The following PICALM variants were observed in gnomAD, a reference collection of about 807,000 sequenced individuals.
PICALM encodes the protein phosphatidylinositol binding clathrin assembly protein.
A neutral mutation model predicts 80.5 loss-of-function variants in PICALM; 40 were observed. That is an observed-to-expected ratio of 0.50 (90% CI 0.39 to 0.65). The LOEUF is 0.65. Among genes scored for constraint, PICALM ranks in the 30% least tolerant of loss-of-function variants. PICALM has a pLI of 0.00. For missense variants in PICALM, 676 were observed against 778.9 expected, an observed-to-expected ratio of 0.87 and a Z score of 1.57; for synonymous variants, 288 against 260.3, an observed-to-expected ratio of 1.11 and a Z score of -1.02.
At chr11:86,014,386 G>T (rs2095446737) in intron 5 of PICALM, among the ~76,000 whole-genome samples, 1 of 152,178 alleles carries the variant, frequency 6.6e-6, no homozygotes, top group African/African-American at 2.4e-5. Context: ...TGGCAGCTTG[G>T]TTCAAGTCAT....
At chr11:85,963,664 A>C (rs1401115692) in intron 19 of PICALM, among the ~76,000 whole-genome samples, 1 of 152,042 alleles carries the variant, frequency 6.6e-6, no homozygotes, top group African/African-American at 2.4e-5. Context: ...CTCCTCCACT[A>C]CTCTAATCAA....
At chr11:86,047,811 C>T (rs558471279) in intron 1 of PICALM, among the ~76,000 whole-genome samples, 23 of 152,264 alleles carry the variant, frequency 1.5e-4, no homozygotes, top group Non-Finnish European at 2.4e-4. Flanking sequence ...TCTCTTAAAA[C>T]GTTTCCGGCT....
chr11:86,045,195 CAG>C (rs1401165946), intron 1 of PICALM, among the ~76,000 whole-genome samples: 1 of 151,922 alleles, frequency 6.6e-6, no homozygotes, highest in Non-Finnish European at 1.5e-5. Flanking sequence ...AAAATAAAGC[CAG>C]AGTTATTTTT....
chr11:86,041,676 A>C (rs985954015), intron 1 of PICALM, among the ~76,000 whole-genome samples: 1 of 152,222 alleles, frequency 6.6e-6, no homozygotes, highest in African/African-American at 2.4e-5. Flanking sequence ...TCAAACTTTA[A>C]TTTTAAAAGT....
chr11:86,038,262 G>T (rs1443737653), intron 1 of PICALM, among the ~76,000 whole-genome samples: 2 of 152,070 alleles, frequency 1.3e-5, no homozygotes, highest in East Asian at 3.9e-4. Flanking sequence ...GGAGGTAAAA[G>T]GAAGCTGAGA....
intron 14 of PICALM, among the ~76,000 whole-genome samples, chr11:85,982,365 T>C (rs1302599816): frequency 1.3e-5 from 2 of 149,260 alleles, no homozygotes; most frequent in Non-Finnish European, 3.0e-5. Context: ...GGTTAAAAAA[T>C]AGCTCTCTGG....
At chr11:86,069,144 G>GC (rs900410065), upstream of PICALM, 114 of 241,364 alleles carry the variant, frequency 4.7e-4, no homozygotes, top group African/African-American at 2.1e-3. Flanking sequence ...CTCGGACACC[G>GC]CCCCTCCTCC....
intron 1 of PICALM, among the ~76,000 whole-genome samples, chr11:86,068,409 G>A (rs1300269856): frequency 2.6e-5 from 4 of 152,106 alleles, no homozygotes; most frequent in Non-Finnish European, 4.4e-5. Context: ...GCAGGGAGAC[G>A]AGGGTCCCCT....
At chr11:85,985,686 C>T (rs1194952422) in intron 13 of PICALM, among the ~76,000 whole-genome samples, 2 of 152,096 alleles carry the variant, frequency 1.3e-5, no homozygotes, top group Admixed American at 6.5e-5. Flanking sequence ...ACATAAAAAG[C>T]GAATGTATCT....
chr11:85,971,933 C>G (rs533392045), intron 19 of PICALM, among the ~76,000 whole-genome samples: 3 of 152,144 alleles, frequency 2.0e-5, no homozygotes, highest in Non-Finnish European at 4.4e-5. Flanking sequence ...CAGACATGCA[C>G]CACCAAGCCC....
chr11:86,022,355 A>G lies in PICALM; in HGVS notation c.452+12T>C, dbSNP rs774510211. On this transcript the variant is annotated intron_variant, in intron 4 of 19. Transcript: ENST00000393346. Reference sequence around the variant, plus strand: ...TTCAAATCAATTAGATGTCAAAAAAAGCTTAACTCACCCTCTCTTCACTTT... The same window carrying G: ...TTCAAATCAATTAGATGTCAAAAAAGGCTTAACTCACCCTCTCTTCACTTT... 7.1e-7 allele frequency: 1 copy of G among 1,405,274 alleles called. No individual in the cohort carries two copies. 87.1% of individuals were successfully genotyped at this position (1,405,274 alleles called of 1,614,324 possible). A position where few individuals can be genotyped will look rare whatever the true frequency, so the allele number is the denominator to read the frequency against.
At chr11:86,010,592 G>C (rs2095376411) in intron 7 of PICALM, among the ~76,000 whole-genome samples, 1 of 152,118 alleles carries the variant, frequency 6.6e-6, no homozygotes, top group African/African-American at 2.4e-5. Context: ...AAAATGCTGG[G>C]ATTACAGGTC....
chr11:86,028,796 T>C (rs666682), intron 2 of PICALM, among the ~76,000 whole-genome samples: 75,749 of 151,584 alleles, frequency 0.5, 19,315 homozygotes, highest in East Asian at 0.59. Flanking sequence ...AGGTAATTCT[T>C]TGTTGTTGGA....
At chr11:85,985,785 T>C (rs146658388) in intron 13 of PICALM, among the ~76,000 whole-genome samples, 99 of 152,356 alleles carry the variant, frequency 6.5e-4, no homozygotes, top group African/African-American at 2.2e-3. Flanking sequence ...TAAATCATTC[T>C]GGTAATAATC....
chr11:86,009,683 A>C (rs1394478453), intron 7 of PICALM, among the ~76,000 whole-genome samples: 1 of 151,858 alleles, frequency 6.6e-6, no homozygotes, highest in Non-Finnish European at 1.5e-5. Context: ...CAAGAGCAAG[A>C]CTTCATCTCA....
In PICALM at chr11:85,976,649, G is replaced by A. The variant is rs775793328; in HGVS notation, c.1813C>T (p.Pro605Ser). ...ATTCCATATCCTATCATGCCTGTTG[G>A]TGTAGTAGCAGGATAGGCCATTACA... ...PPVMAYPATTPTGMIGYGIPP... is the reference protein window; with the variant it reads ...PPVMAYPATTSTGMIGYGIPP... The change falls in exon 18 of 20, where the codon CCA becomes TCA. Residue 605 changes from proline to serine, a missense_variant. Coordinates refer to ENST00000393346, the MANE Select transcript of PICALM (RefSeq NM_007166.4). 1 of 1,604,482 alleles carries A rather than the reference G, an allele frequency of 6.2e-7. No individual in the cohort carries two copies. The highest frequency in any genetic ancestry group is 8.5e-7 in the Non-Finnish European group (1 of 1,171,552).
chr11:85,980,240 A>G (rs1288168407), intron 17 of PICALM, among the ~76,000 whole-genome samples: 3 of 152,204 alleles, frequency 2.0e-5, no homozygotes, highest in African/African-American at 7.2e-5. Context: ...AGACCAGAGG[A>G]TAGAGAAGGA....
chr11:85,986,248 C>T (rs918418620), intron 13 of PICALM, among the ~76,000 whole-genome samples: 1 of 151,614 alleles, frequency 6.6e-6, no homozygotes, highest in Non-Finnish European at 1.5e-5. Flanking sequence ...AAGTAAAAAT[C>T]TTTTAAGTAA....
At chr11:86,057,335 T>C (rs1565586414) in intron 1 of PICALM, among the ~76,000 whole-genome samples, 1 of 152,134 alleles carries the variant, frequency 6.6e-6, no homozygotes, top group Non-Finnish European at 1.5e-5. Flanking sequence ...GGTCAGGAGT[T>C]TGAGACCAGC....
Sources: allele counts gnomAD v4.1 joint callset (sites outside exome capture counted in the v4.1 genomes callset), GRCh38; gene constraint gnomAD v4.1.1; transcripts MANE v1.5; gene names NCBI Gene and HGNC (gene_info 2026-07-23, HGNC 2026-07-21).